The following ADAMTS17 variants were observed in gnomAD, a reference collection of about 807,000 sequenced individuals.
ADAMTS17 encodes the protein A disintegrin and metalloproteinase with thrombospondin motifs 17.
In ADAMTS17, 113 loss-of-function variants were observed where a neutral mutation model predicts 141.5. That is an observed-to-expected ratio of 0.80 (90% CI 0.69 to 0.93). The LOEUF is 0.93. Ranked by LOEUF, ADAMTS17 falls within the 40% of genes least tolerant of loss-of-function variation. The probability of loss-of-function intolerance (pLI) is 0.00; values close to 1 mark genes in which losing one functional copy is unlikely to be tolerated. For missense variants in ADAMTS17, 1,659 were observed against 1,517.9 expected (o/e 1.09, Z -1.54); for synonymous variants, 768 against 630.6 (o/e 1.22, Z -3.27).
intron 8 of ADAMTS17, among the ~76,000 whole-genome samples, chr15:100,187,679 C>T (rs1422427857): frequency 2.0e-5 from 3 of 152,120 alleles, no homozygotes; most frequent in Non-Finnish European, 2.9e-5. Context: ...CTCAAGACAC[C>T]CCAACAGGCT....
At chr15:100,162,978 G>A (rs1286727392) in intron 8 of ADAMTS17, among the ~76,000 whole-genome samples, 2 of 139,976 alleles carry the variant, frequency 1.4e-5, no homozygotes, top group African/African-American at 5.6e-5. Flanking sequence ...GTATATATAT[G>A]TGTATATATA....
rs1429938608 is a variant in ADAMTS17, at chr15:99,971,775, G to GGTAACACGTGCGTTA, written c.*2612_*2626dup. The stretch of plus-strand genomic sequence containing the variant: ...TAGCACCGTAGGGTCGTGAGACTCT[G>GGTAACACGTGCGTTA]GTAACACGTGCGTTAGTGACACGTG... On this transcript the variant is annotated 3_prime_UTR_variant, in exon 22 of 22. Coordinates refer to ENST00000268070, the MANE Select transcript of ADAMTS17 (RefSeq NM_139057.4). The GGTAACACGTGCGTTA allele has an allele frequency of 1.3e-5, 2 of 152,006 alleles. No individual in the cohort carries two copies. Among genetic ancestry groups the GGTAACACGTGCGTTA allele is most frequent in the Non-Finnish European group, 2.9e-5 (2 of 67,914 alleles). 9.4% of individuals were successfully genotyped at this position (152,006 alleles called of 1,614,324 possible). A position where few individuals can be genotyped will look rare whatever the true frequency, so the allele number is the denominator to read the frequency against.
intron 7 of ADAMTS17, among the ~76,000 whole-genome samples, chr15:100,234,289 T>TGCC: frequency 6.6e-6 from 1 of 152,206 alleles, no homozygotes; most frequent in Non-Finnish European, 1.5e-5. Flanking sequence ...CAGCCACCGT[T>TGCC]TTCCACGAGG....
At chr15:100,278,859 A>T (rs1043835574) in intron 4 of ADAMTS17, among the ~76,000 whole-genome samples, 2 of 152,136 alleles carry the variant, frequency 1.3e-5, no homozygotes, top group African/African-American at 4.8e-5. Context: ...TAGCTCTGCC[A>T]GTGACTTCCT....
At chr15:100,106,999 C>A (rs1015717625) in intron 14 of ADAMTS17, among the ~76,000 whole-genome samples, 1 of 152,230 alleles carries the variant, frequency 6.6e-6, no homozygotes, top group Admixed American at 6.5e-5. Context: ...AGGCGCTTAT[C>A]ACCCACATTT....
At chr15:100,185,911 C>A (rs570552839) in intron 8 of ADAMTS17, among the ~76,000 whole-genome samples, 1 of 152,304 alleles carries the variant, frequency 6.6e-6, no homozygotes, top group South Asian at 2.1e-4. Context: ...CTAACACCGC[C>A]TTCTTCATTT....
rs1475692369 is a variant in ADAMTS17, at chr15:99,972,012, AAGGCTG to A, written c.*2384_*2389del. ...CACTCCTGTAATCCCAGCACTTTGG[AAGGCTG>A]AGGCGGGTGGATCATGAGGTCAGGA... On this transcript the variant is annotated 3_prime_UTR_variant, in exon 22 of 22. Transcript: ENST00000268070. The A allele has an allele frequency of 2.6e-5, 4 of 152,130 alleles. No homozygotes were observed. Among genetic ancestry groups the A allele is most frequent in the Non-Finnish European group, 5.9e-5 (4 of 68,026 alleles). The allele number at this position is 152,130 out of a possible 1,614,324, so 9.4% of individuals were successfully genotyped here. A position where few individuals can be genotyped will look rare whatever the true frequency, so the allele number is the denominator to read the frequency against.
intron 20 of ADAMTS17, among the ~76,000 whole-genome samples, chr15:99,985,951 C>G (rs1035208411): frequency 1.5e-4 from 23 of 152,260 alleles, no homozygotes; most frequent in Non-Finnish European, 3.4e-4. Flanking sequence ...TGACTTCATA[C>G]CTGCCCAGTG....
At chr15:100,112,896 T>G (rs539677149) in intron 13 of ADAMTS17, among the ~76,000 whole-genome samples, 83 of 152,270 alleles carry the variant, frequency 5.5e-4, no homozygotes, top group African/African-American at 1.9e-3. Context: ...GTTTGGAACA[T>G]TCCTCTGCAG....
At chr15:100,189,244 T>C (rs746275521) in intron 8 of ADAMTS17, among the ~76,000 whole-genome samples, 1 of 152,230 alleles carries the variant, frequency 6.6e-6, no homozygotes, top group Non-Finnish European at 1.5e-5. Context: ...GAACTAGGCA[T>C]GGGATGTAGG....
intron 7 of ADAMTS17, among the ~76,000 whole-genome samples, chr15:100,228,986 C>G (rs925913595): frequency 1.3e-5 from 2 of 152,194 alleles, no homozygotes; most frequent in African/African-American, 2.4e-5. Flanking sequence ...TTTCAGGGAG[C>G]AAATTGGATC....
At chr15:99,995,449 T>C (rs376519109) in intron 19 of ADAMTS17, among the ~76,000 whole-genome samples, 110 of 152,358 alleles carry the variant, frequency 7.2e-4, no homozygotes, top group African/African-American at 2.5e-3. Flanking sequence ...TGCAGGCTGC[T>C]GAGGACGGCT....
At chr15:100,289,938 C>A (rs755635702) in intron 3 of ADAMTS17, among the ~76,000 whole-genome samples, 1 of 152,118 alleles carries the variant, frequency 6.6e-6, no homozygotes, top group Non-Finnish European at 1.5e-5. Context: ...GAAAGCATTC[C>A]GCTTGAGAAC....
chr15:99,977,971 A>G (rs1292769211), intron 20 of ADAMTS17, among the ~76,000 whole-genome samples: 1 of 152,156 alleles, frequency 6.6e-6, no homozygotes, highest in Non-Finnish European at 1.5e-5. Context: ...ACAGCAGCCG[A>G]GCTGGAGCTA....
chr15:100,009,887 G>C (rs76326743), intron 18 of ADAMTS17, among the ~76,000 whole-genome samples: 2,976 of 152,278 alleles, frequency 0.02, 104 homozygotes, highest in African/African-American at 0.067. Context: ...GGATTTACCT[G>C]CTCTGAGCTT....
intron 14 of ADAMTS17, among the ~76,000 whole-genome samples, chr15:100,101,305 A>G (rs768498299): frequency 5.9e-5 from 9 of 152,202 alleles, no homozygotes; most frequent in Non-Finnish European, 1.2e-4. Context: ...CTCTGGAATG[A>G]TCACGTTTGT....
chr15:100,215,776 G>A (rs185995750), intron 7 of ADAMTS17, among the ~76,000 whole-genome samples: 29 of 152,008 alleles, frequency 1.9e-4, no homozygotes, highest in Admixed American at 7.2e-4. Context: ...CCCTTCTCCC[G>A]CTCGAAGACA....
chr15:99,976,591 G>C (rs1235293568), intron 20 of ADAMTS17: 1 of 394,614 alleles, frequency 2.5e-6, no homozygotes, highest in African/African-American at 2.1e-5. Flanking sequence ...GAGCCGTGGA[G>C]GTGGGTGGCT....
chr15:100,291,432 T>C (rs7166313), intron 3 of ADAMTS17, among the ~76,000 whole-genome samples: 12,008 of 152,266 alleles, frequency 0.079, 697 homozygotes, highest in East Asian at 0.24. Context: ...ACTATGAAAA[T>C]AAATTTGGAA....
Sources: gnomAD v4.1 joint callset for allele counts (sites outside exome capture counted in the v4.1 genomes callset) on GRCh38, gnomAD v4.1.1 for gene constraint, MANE v1.5 for transcripts, NCBI Gene and HGNC (gene_info 2026-07-23, HGNC 2026-07-21) for gene names.